Variants in LRRC56 observed in about 807,000 individuals in gnomAD.
The protein encoded by LRRC56 is leucine-rich repeat-containing protein 56.
A neutral mutation model predicts 47.8 loss-of-function variants in LRRC56; 41 were observed. That is an observed-to-expected ratio of 0.86 (90% CI 0.67 to 1.11). The LOEUF is 1.11. Ranked by LOEUF, LRRC56 falls within the 50% of genes most tolerant of loss-of-function variation. LRRC56 has a pLI of 0.00. For missense variants in LRRC56, 759 were observed against 704.2 expected (o/e 1.08, Z -0.88); for synonymous variants, 387 against 311.2 (o/e 1.24, Z -2.56).
intron 5 of LRRC56, 149 bp from the exon 6 acceptor site, chr11:544,571 G>A (rs562604836): frequency 1.9e-5 from 15 of 792,216 alleles, no homozygotes; most frequent in African/African-American, 8.5e-5. Flanking sequence ...TGGGTGCCAC[G>A]TAACCCCTCC....
chr11:522,724 A>T, the LRRC56 span, among the ~76,000 whole-genome samples: 2 of 151,968 alleles, frequency 1.3e-5, no homozygotes, highest in Non-Finnish European at 2.9e-5. Context: ...CTGGTAAATA[A>T]ATTCTGACAT....
intron 6 of LRRC56, among the ~76,000 whole-genome samples, chr11:548,492 C>G (rs1471306193): frequency 6.6e-6 from 1 of 150,528 alleles, no homozygotes; most frequent in Non-Finnish European, 1.5e-5. Context: ...GAGGCTCGCT[C>G]TGTCGTCCAG....
At chr11:514,307 G>A in the LRRC56 span, among the ~76,000 whole-genome samples, 1 of 150,068 alleles carries the variant, frequency 6.7e-6, no homozygotes, top group Non-Finnish European at 1.5e-5. Context: ...TTTTTTTTGA[G>A]ACGAGGTCTT....
the LRRC56 span, among the ~76,000 whole-genome samples, chr11:517,039 G>T: frequency 1.3e-5 from 2 of 152,106 alleles, no homozygotes; most frequent in African/African-American, 4.8e-5. Context: ...TGGAGGAGAC[G>T]GGGTTTTGCC....
Position 554,371 on chromosome 11 carries a change from G to T in LRRC56, c.*95G>T. ...AGAATACCTGGGCGGGTGTGTTGGG[G>T]GGTGGAAGGAGTGCCTGGCCCTGGG... is the stretch of plus-strand genomic sequence containing the variant. On this transcript the variant is annotated 3_prime_UTR_variant, in exon 14 of 14. Coordinates refer to ENST00000270115, the MANE Select transcript of LRRC56 (RefSeq NM_198075.4). 2 of 1,173,676 alleles carry T rather than the reference G, an allele frequency of 1.7e-6. No homozygotes were observed. The highest frequency in any genetic ancestry group is 1.1e-6 in the Non-Finnish European group (1 of 890,104). 72.7% of individuals were successfully genotyped at this position (1,173,676 alleles called of 1,614,324 possible). A position where few individuals can be genotyped will look rare whatever the true frequency, so the allele number is the denominator to read the frequency against.
the LRRC56 span, among the ~76,000 whole-genome samples, chr11:511,279 C>A: frequency 1.3e-5 from 2 of 150,918 alleles, no homozygotes; most frequent in African/African-American, 4.9e-5. Context: ...CAAGATCGCG[C>A]CACTGCACTC....
Position 554,185 on chromosome 11 carries a change from AG to A in LRRC56, c.1541del (p.Gly514AspfsTer166). ...GCCTCACGCCTGAGCCCTCGAGCCC[AG>A]GGATGTCCTGGCCCAAAGCCAGCAC... is the stretch of plus-strand genomic sequence containing the variant. ...EVASRLSPRAQGCPGPKPAPD... is the reference protein window; with the variant it reads ...EVASRLSPRAXGCPGPKPAPD... On this transcript the variant is annotated frameshift_variant, in exon 14 of 14. Coordinates refer to ENST00000270115, the MANE Select transcript of LRRC56 (RefSeq NM_198075.4). LOFTEE classifies it low-confidence loss of function (END_TRUNC). The A allele has an allele frequency of 2.6e-6, 4 of 1,568,470 alleles. No individual in the cohort carries two copies. Among genetic ancestry groups the A allele is most frequent in the Non-Finnish European group, 3.5e-6 (4 of 1,158,656 alleles).
chr11:535,005 G>A (rs1410984753), upstream of LRRC56, among the ~76,000 whole-genome samples: 3 of 152,322 alleles, frequency 2.0e-5, no homozygotes, highest in Non-Finnish European at 2.9e-5. Context: ...CCCGGAGAGG[G>A]AAAAGGCACT....
intron 12 of LRRC56, 40 bp from the exon 13 acceptor site, chr11:552,529 G>A: frequency 6.4e-7 from 1 of 1,550,480 alleles, no homozygotes. Context: ...GTCCCGTGGG[G>A]GGATCAGGGC....
At chr11:516,566 G>A in the LRRC56 span, among the ~76,000 whole-genome samples, 2 of 152,118 alleles carry the variant, frequency 1.3e-5, no homozygotes, top group Non-Finnish European at 2.9e-5. Flanking sequence ...CCATGACGCA[G>A]TGAAATTTAT....
chr11:515,833 A>T, the LRRC56 span, among the ~76,000 whole-genome samples: 1 of 152,168 alleles, frequency 6.6e-6, no homozygotes, highest in Non-Finnish European at 1.5e-5. Flanking sequence ...GTGAGACTCC[A>T]TCTCAAAAAA....
intron 12 of LRRC56, 93 bp from the exon 13 acceptor site, chr11:552,476 T>G: frequency 7.9e-7 from 1 of 1,270,456 alleles, no homozygotes; most frequent in Non-Finnish European, 1.1e-6. Flanking sequence ...CTTGGCTGAG[T>G]CATCCCCAGT....
Position 540,660 on chromosome 11 carries a change from G to C in LRRC56, c.-11-14G>C. On this transcript the variant is annotated splice_polypyrimidine_tract_variant and intron_variant, in intron 3 of 13. Transcript: ENST00000270115. ...GCAACAGCGTGGAGCTTTGCACTGT[G>C]CCTCTGTCAGCAGGTGACATGTGAA... The C allele has an allele frequency of 6.2e-7, 1 of 1,609,286 alleles. No homozygotes were observed. The highest frequency in any genetic ancestry group is 2.2e-5 in the East Asian group (1 of 44,786).
Position 551,986 on chromosome 11 carries a change from A to G in LRRC56, c.1038+19A>G. On this transcript the variant is annotated intron_variant, in intron 11 of 13. Coordinates refer to ENST00000270115, the MANE Select transcript of LRRC56 (RefSeq NM_198075.4). ...GTGCCAGGTACAGCCCACAGGGACC[A>G]GCCCCCCACGAGAACCAGTGTCCAG... The G allele has an allele frequency of 1.2e-6, 2 of 1,612,270 alleles. No homozygotes were observed. The highest frequency in any genetic ancestry group is 1.7e-6 in the Non-Finnish European group (2 of 1,179,604).
At chr11:512,015 C>T in the LRRC56 span, among the ~76,000 whole-genome samples, 1 of 152,148 alleles carries the variant, frequency 6.6e-6, no homozygotes, top group Non-Finnish European at 1.5e-5. Flanking sequence ...GTGATCTCGG[C>T]TCACTGCAAC....
At chr11:507,517 G>T in the LRRC56 span, among the ~76,000 whole-genome samples, 1 of 152,240 alleles carries the variant, frequency 6.6e-6, no homozygotes, top group East Asian at 1.9e-4. Flanking sequence ...TGTGGGCCTC[G>T]CACTGGCACG....
the LRRC56 span, among the ~76,000 whole-genome samples, chr11:531,701 C>G: frequency 4.6e-5 from 7 of 152,214 alleles, no homozygotes; most frequent in African/African-American, 1.4e-4. Flanking sequence ...CTACTGGCCG[C>G]TACCCGACCA....
chr11:534,351 C>T, upstream of LRRC56: 1 of 1,570,488 alleles, frequency 6.4e-7, no homozygotes, highest in Non-Finnish European at 8.7e-7. Context: ...GGCCCGGGGT[C>T]CTCCTACAGG....
intron 9 of LRRC56, among the ~76,000 whole-genome samples, 165 bp downstream of exon 9, chr11:551,467 G>C (rs1373494080): frequency 6.6e-6 from 1 of 152,202 alleles, no homozygotes; most frequent in Non-Finnish European, 1.5e-5. Context: ...CCAGGACACT[G>C]TCTCTGAGCA....
Sources: gnomAD v4.1 joint callset for allele counts (sites outside exome capture counted in the v4.1 genomes callset) on GRCh38, gnomAD v4.1.1 for gene constraint, MANE v1.5 for transcripts, NCBI Gene and HGNC (gene_info 2026-07-23, HGNC 2026-07-21) for gene names.